The following SYNE1 variants were observed in gnomAD, a reference collection of about 807,000 sequenced individuals.
The protein encoded by SYNE1 is nesprin-1.
Under a neutral mutation model 1,111.0 loss-of-function variants are expected in SYNE1, and 616 were observed. That is an observed-to-expected ratio of 0.55 (90% CI 0.52 to 0.59). The LOEUF is 0.59. Among genes scored for constraint, SYNE1 ranks in the 20% least tolerant of loss-of-function variants. The probability of loss-of-function intolerance (pLI) is 0.00; values close to 1 mark genes in which losing one functional copy is unlikely to be tolerated. For missense variants in SYNE1, 10,006 were observed against 10,417.0 expected, an observed-to-expected ratio of 0.96 and a Z score of 1.72; for synonymous variants, 3,855 against 3,825.8, an observed-to-expected ratio of 1.01 and a Z score of -0.28.
intron 56 of SYNE1, 50 bp downstream of exon 56, chr6:152,380,956 A>T (rs766017847): frequency 4.4e-6 from 7 of 1,584,558 alleles, no homozygotes; most frequent in Non-Finnish European, 6.1e-6. Flanking sequence ...ATGAAAGTCA[A>T]AACATTTTTT....
chr6:152,536,398 A>AGTTATATATATAT, intron 4 of SYNE1, among the ~76,000 whole-genome samples: 1 of 129,378 alleles, frequency 7.7e-6, no homozygotes, highest in Non-Finnish European at 1.6e-5. Context: ...ATTTATATAT[A>AGTTATATATATAT]TACTATATAT....
At chr6:152,472,142 A>G in intron 15 of SYNE1, 159 bp downstream of exon 15, 1 of 652,730 alleles carries the variant, frequency 1.5e-6, no homozygotes, top group Non-Finnish European at 2.7e-6. Flanking sequence ...ATACATTAGA[A>G]TGGTGGCATT....
At chr6:152,191,923 G>T (rs970838183) in intron 127 of SYNE1, among the ~76,000 whole-genome samples, 1 of 151,916 alleles carries the variant, frequency 6.6e-6, no homozygotes, top group African/African-American at 2.4e-5. Context: ...ACTGTATTAC[G>T]TAGGTTTTGG....
At chr6:152,347,417 G>A (rs1422035728) in intron 72 of SYNE1, among the ~76,000 whole-genome samples, 182 bp from the exon 73 acceptor site, 1 of 152,200 alleles carries the variant, frequency 6.6e-6, no homozygotes, top group African/African-American at 2.4e-5. Context: ...ACTCCAAGAG[G>A]AAGAGTCAAT....
At chr6:152,149,408 T>TA in intron 136 of SYNE1, 69 bp downstream of exon 136, 1 of 1,593,702 alleles carries the variant, frequency 6.3e-7, no homozygotes, top group South Asian at 1.1e-5. Context: ...CCACTATCAA[T>TA]ACAACCCAAT....
At chr6:152,194,524 T>C (rs2073569720) in intron 127 of SYNE1, among the ~76,000 whole-genome samples, 1 of 152,248 alleles carries the variant, frequency 6.6e-6, no homozygotes, top group Non-Finnish European at 1.5e-5. Flanking sequence ...TATAACCTTC[T>C]TGTACTTGGA....
At chr6:152,168,479 A>G (rs759824472) in intron 130 of SYNE1, 7 of 395,870 alleles carry the variant, frequency 1.8e-5, no homozygotes, top group Non-Finnish European at 3.2e-5. Context: ...TGTAAGGAGG[A>G]GGAAGCTACA....
intron 46 of SYNE1, among the ~76,000 whole-genome samples, chr6:152,403,084 C>G (rs551564979): frequency 1.3e-4 from 20 of 152,044 alleles, no homozygotes; most frequent in African/African-American, 4.8e-4. Flanking sequence ...CCCAAAGTAG[C>G]AAATCAAAGA....
At chr6:152,311,047 C>T in intron 87 of SYNE1, 174 bp from the exon 88 acceptor site, 4 of 674,110 alleles carry the variant, frequency 5.9e-6, no homozygotes, top group Non-Finnish European at 1.0e-5. Context: ...ATAACTATTT[C>T]ACAGAAAAAG....
chr6:152,296,632 C>G (rs578082847), intron 93 of SYNE1, among the ~76,000 whole-genome samples: 1 of 152,308 alleles, frequency 6.6e-6, no homozygotes, highest in South Asian at 2.1e-4. Context: ...AAACTGGCAG[C>G]CTGTGGGCTG....
Position 152,266,404 on chromosome 6 carries a change from A to C in SYNE1, c.18815+1652T>G, listed in dbSNP as rs957315108. Among the ~76,000 whole-genome samples the C allele has an allele frequency of 3.3e-5, 5 of 152,230 alleles. No individual in the cohort carries two copies. In the South Asian group the frequency reaches 1.0e-3, roughly 32 times the overall value. On this transcript the variant is annotated intron_variant, in intron 100 of 145. Coordinates refer to ENST00000367255, the MANE Select transcript of SYNE1 (RefSeq NM_182961.4). Reference sequence around the variant, plus strand: ...AATATTCAGAAAACTATGCAAGATAAGTAAACATTTTAGAGGACCTGGAAT... The same window carrying C: ...AATATTCAGAAAACTATGCAAGATACGTAAACATTTTAGAGGACCTGGAAT...
chr6:152,136,918 C>G (rs1343409402), intron 140 of SYNE1, 100 bp from the exon 141 acceptor site: 3 of 1,355,992 alleles, frequency 2.2e-6, no homozygotes, highest in East Asian at 4.7e-5. Flanking sequence ...TTAATTTAAA[C>G]TGGCCTTAAC....
At position 152,352,362 on chromosome 6, in the gene SYNE1, G is replaced by C; in HGVS notation, c.11254-9C>G. The C allele has an allele frequency of 1.9e-6, 3 of 1,613,600 alleles. No individual in the cohort carries two copies. The highest frequency in any genetic ancestry group is 2.7e-5 in the African/African-American group (2 of 74,928). Reference sequence around the variant, plus strand: ...ATGTCTTTGAGCAAAACCTGAAAAAGAGAGTGAGTAGGAGCAAAGGTAGTC... The same window carrying C: ...ATGTCTTTGAGCAAAACCTGAAAAACAGAGTGAGTAGGAGCAAAGGTAGTC... On this transcript the variant is annotated splice_polypyrimidine_tract_variant and intron_variant, in intron 69 of 145. Transcript: ENST00000367255.
intron 105 of SYNE1, among the ~76,000 whole-genome samples, chr6:152,246,242 T>C (rs1007463701): frequency 2.5e-4 from 38 of 151,964 alleles, no homozygotes; most frequent in South Asian, 2.1e-4. Flanking sequence ...GATTTCAATA[T>C]GCCTTTCGAT....
Position 152,207,406 on chromosome 6 carries a change from G to T in SYNE1, c.22824+566C>A, listed in dbSNP as rs189968921. On this transcript the variant is annotated intron_variant, in intron 125 of 145. Transcript: ENST00000367255. The stretch of plus-strand genomic sequence containing the variant: ...TCTCTGCTGGCAGGGGGCAGTTGAA[G>T]TCATGTCTGCGAATGAGGGCTCTCA... Among the ~76,000 whole-genome samples the T allele has an allele frequency of 3.2e-3, 490 of 152,286 alleles. 2 individuals are homozygous for T. Among genetic ancestry groups the T allele is most frequent in the African/African-American group, 0.011 (473 of 41,548 alleles).
intron 13 of SYNE1, among the ~76,000 whole-genome samples, 161 bp from the exon 14 acceptor site, chr6:152,483,410 C>T (rs1230802839): frequency 6.6e-6 from 1 of 152,180 alleles, no homozygotes; most frequent in African/African-American, 2.4e-5. Flanking sequence ...CTGAGTTTGA[C>T]ACTTTAGGGA....
chr6:152,122,103 T>TCATGAAAAAA lies in SYNE1; in HGVS notation c.*332_*333insTTTTTTCATG. The TCATGAAAAAA allele has an allele frequency of 2.6e-6, 1 of 382,988 alleles. No homozygotes were observed. 23.7% of individuals were successfully genotyped at this position (382,988 alleles called of 1,614,324 possible). ...TGGGAAAGCTGCCCAGATGGTCTAC[T>TCATGAAAAAA]GAAGTCCTTGGCTGTGCACAGAATG... On this transcript the variant is annotated 3_prime_UTR_variant, in exon 146 of 146. Transcript: ENST00000367255.
At chr6:152,214,781 C>CAGAACTGTG in intron 122 of SYNE1, 125 bp downstream of exon 122, 1 of 1,323,250 alleles carries the variant, frequency 7.6e-7, no homozygotes, top group Non-Finnish European at 1.1e-6. Context: ...TCCCAGTCTC[C>CAGAACTGTG]AGAACTGTGA....
At position 152,329,752 on chromosome 6, in the gene SYNE1, T is replaced by G; in HGVS notation, c.14933A>C (p.Gln4978Pro). The part of the protein sequence containing the change: ...AELSELDGDI[Q>P]EALRTRQATL... ...CACCTGTCTGGTGCGTAAGGCTTCC[T>G]GGATGTCTCCATCCAGCTCTGAGAG... The change falls in exon 78 of 146, where the codon CAG becomes CCG. Residue 4978 changes from glutamine (Q) to proline (P), a missense_variant. Physicochemically the swap from Gln to Pro is moderately conservative, Grantham distance 76. Coordinates refer to ENST00000367255, the MANE Select transcript of SYNE1 (RefSeq NM_182961.4). 6.2e-7 allele frequency: 1 copy of G among 1,614,244 alleles called. No individual in the cohort carries two copies. Among genetic ancestry groups the G allele is most frequent in the African/African-American group, 1.3e-5 (1 of 75,066 alleles).
Sources: allele counts gnomAD v4.1 joint callset (sites outside exome capture counted in the v4.1 genomes callset), GRCh38; gene constraint gnomAD v4.1.1; transcripts MANE v1.5; gene names NCBI Gene and HGNC (gene_info 2026-07-23, HGNC 2026-07-21).